Variants in KLHL6 observed in about 807,000 individuals in gnomAD.
The protein encoded by KLHL6 is kelch-like protein 6.
A neutral mutation model predicts 58.6 loss-of-function variants in KLHL6; 41 were observed. The observed-to-expected ratio is 0.70, with a 90% confidence interval of 0.55 to 0.91. KLHL6 has a LOEUF of 0.91. KLHL6 is among the 40% of genes least tolerant of loss of function. KLHL6 has a pLI of 0.00. For synonymous variants in KLHL6, 338 were observed against 322.7 expected, an observed-to-expected ratio of 1.05 and a Z score of -0.51; for missense variants, 714 against 805.6, an observed-to-expected ratio of 0.89 and a Z score of 1.38.
At chr3:183,536,106 T>C (rs1220141640) in intron 1 of KLHL6, among the ~76,000 whole-genome samples, 1 of 152,134 alleles carries the variant, frequency 6.6e-6, no homozygotes, top group Admixed American at 6.5e-5. Context: ...AGTCACTTAA[T>C]AACATGCTGC....
chr3:183,538,769 G>A (rs979789047), intron 1 of KLHL6, among the ~76,000 whole-genome samples: 4 of 152,134 alleles, frequency 2.6e-5, no homozygotes, highest in Non-Finnish European at 5.9e-5. Flanking sequence ...ACCAAAACCT[G>A]AGCCAATACT....
chr3:183,550,013 G>T (rs1228525389), intron 1 of KLHL6, among the ~76,000 whole-genome samples: 5 of 152,022 alleles, frequency 3.3e-5, no homozygotes, highest in African/African-American at 9.7e-5. Flanking sequence ...CAGAAGAGTG[G>T]TTTTTTAAAA....
chr3:183,512,234 A>T (rs1360062004), intron 2 of KLHL6, among the ~76,000 whole-genome samples: 3 of 152,196 alleles, frequency 2.0e-5, no homozygotes, highest in Non-Finnish European at 4.4e-5. Context: ...CACGATCACC[A>T]TGCCAGCGTT....
At chr3:183,555,239 A>AG in intron 1 of KLHL6, 122 bp downstream of exon 1, 1 of 672,152 alleles carries the variant, frequency 1.5e-6, no homozygotes, top group Non-Finnish European at 2.5e-6. Context: ...TAGACACACA[A>AG]GCCTTAATAT....
chr3:183,534,803 A>C (rs1268811627), intron 1 of KLHL6, among the ~76,000 whole-genome samples: 1 of 152,088 alleles, frequency 6.6e-6, no homozygotes, highest in Non-Finnish European at 1.5e-5. Context: ...ACACGTAAGA[A>C]ATATTTTAAA....
At chr3:183,524,290 A>G (rs1182088541) in intron 2 of KLHL6, among the ~76,000 whole-genome samples, 3 of 152,142 alleles carry the variant, frequency 2.0e-5, no homozygotes, top group Admixed American at 1.3e-4. Context: ...TAGAGCCCCT[A>G]CTGGGTGGCA....
At chr3:183,535,610 G>T (rs1712338421) in intron 1 of KLHL6, among the ~76,000 whole-genome samples, 1 of 152,152 alleles carries the variant, frequency 6.6e-6, no homozygotes, top group South Asian at 2.1e-4. Context: ...AGGTTAATTT[G>T]GTTGAATCTG....
At chr3:183,515,571 AAAG>A (rs1004355118) in intron 2 of KLHL6, among the ~76,000 whole-genome samples, 6 of 152,082 alleles carry the variant, frequency 3.9e-5, no homozygotes, top group African/African-American at 9.7e-5. Flanking sequence ...ATAAAAAGGA[AAAG>A]AAGAATTGTA....
At chr3:183,550,812 C>T (rs567843865) in intron 1 of KLHL6, among the ~76,000 whole-genome samples, 2 of 150,660 alleles carry the variant, frequency 1.3e-5, no homozygotes, top group Admixed American at 6.6e-5. Flanking sequence ...AAAATATATG[C>T]GAGGCCTTAA....
At chr3:183,498,623 G>A (rs897796507) in intron 4 of KLHL6, among the ~76,000 whole-genome samples, 1 of 152,192 alleles carries the variant, frequency 6.6e-6, no homozygotes, top group Non-Finnish European at 1.5e-5. Flanking sequence ...TGAGAGGCAA[G>A]CAATTAAATG....
chr3:183,507,920 C>T (rs989688344), intron 3 of KLHL6, 139 bp downstream of exon 3: 37 of 709,940 alleles, frequency 5.2e-5, no homozygotes, highest in Admixed American at 3.8e-4. Context: ...TGGAACTGAC[C>T]GACTCAGCAA....
chr3:183,509,213 T>A (rs545882982), intron 2 of KLHL6, among the ~76,000 whole-genome samples: 1 of 152,332 alleles, frequency 6.6e-6, no homozygotes, highest in East Asian at 1.9e-4. Context: ...CAATATATAT[T>A]TTTTAAAGTT....
intron 4 of KLHL6, among the ~76,000 whole-genome samples, chr3:183,495,677 GTGC>G (rs764203966): frequency 3.5e-4 from 53 of 151,928 alleles, no homozygotes; most frequent in Non-Finnish European, 6.2e-4. Flanking sequence ...TATATACTCA[GTGC>G]CTTCAAGACT....
At position 183,492,146 on chromosome 3, in the gene KLHL6, G is replaced by C. The variant is rs764948740; in HGVS notation, c.1647C>G (p.Ala549=). 1.2e-5 allele frequency: 20 copies of C among 1,613,522 alleles called. No individual in the cohort carries two copies. In the South Asian group the frequency reaches 2.2e-4, roughly 18 times the overall value. Residue 549 remains alanine (A), a synonymous_variant, in exon 7 of 7, where the codon GCC becomes GCG. Coordinates refer to ENST00000341319, the MANE Select transcript of KLHL6 (RefSeq NM_130446.4). The surrounding 1 kb of genome is among the most constrained non-coding windows in gnomAD (Gnocchi z 5.9). The part of the protein sequence containing the change: ...CLVTQLSHER[A]SCGIAPCNNR... ...TGTTGCAGGGCGCGATACCGCAGCT[G>C]GCCCGCTCGTGGCTGAGCTGGGTCA...
rs763935771 is a variant in KLHL6, at chr3:183,492,133, C to T, written c.1660G>A (p.Ala554Thr). 1.2e-6 allele frequency: 2 copies of T among 1,613,608 alleles called. No individual in the cohort carries two copies. The highest frequency in any genetic ancestry group is 2.7e-5 in the African/African-American group (2 of 74,928). The change falls in exon 7 of 7, where the codon GCG becomes ACG. Residue 554 changes from alanine (A) to threonine (T), a missense_variant. This residue lies in a region of KLHL6 where 510 missense variants were observed against 629.7 expected (regional missense o/e 0.81). Transcript: ENST00000341319. This position sits in a 1 kb window ranked among gnomAD's most constrained non-coding sequence, Gnocchi z 5.9. ...ATGTAGAGCCGGTTGTTGCAGGGCGCGATACCGCAGCTGGCCCGCTCGTGG... is the reference window on the plus strand; with the variant it reads ...ATGTAGAGCCGGTTGTTGCAGGGCGTGATACCGCAGCTGGCCCGCTCGTGG... ...LSHERASCGI[A>T]PCNNRLYITG...
Position 183,494,175 on chromosome 3 carries a change from C to T in KLHL6, c.1254G>A (p.Val418=). The T allele has an allele frequency of 6.2e-7, 1 of 1,614,210 alleles. No individual in the cohort carries two copies. Among genetic ancestry groups the T allele is most frequent in the Non-Finnish European group, 8.5e-7 (1 of 1,180,026 alleles). Reference sequence around the variant, plus strand: ...CGATCACATAGACCTTGCCACCCAACACCACCATCTTATGCCTCCAGCGGC... The same window carrying T: ...CGATCACATAGACCTTGCCACCCAATACCACCATCTTATGCCTCCAGCGGC... ...NIGRWRHKMV[V]LGGKVYVIGG... Residue 418 remains valine, a synonymous_variant, in exon 5 of 7, where the codon GTG becomes GTA. Transcript: ENST00000341319.
chr3:183,497,186 C>G (rs1178724695), intron 4 of KLHL6, among the ~76,000 whole-genome samples: 3 of 152,042 alleles, frequency 2.0e-5, no homozygotes, highest in African/African-American at 7.2e-5. Flanking sequence ...CCAAAGCAGG[C>G]GGATAACCTG....
intron 2 of KLHL6, among the ~76,000 whole-genome samples, chr3:183,518,932 C>T (rs1477609966): frequency 6.6e-6 from 1 of 152,130 alleles, no homozygotes; most frequent in Non-Finnish European, 1.5e-5. Flanking sequence ...GGTGGGTTCC[C>T]GAGATGATGC....
Position 183,492,533 on chromosome 3 carries a change from T to G in KLHL6, c.1525A>C (p.Ile509Leu). 6.2e-7 allele frequency: 1 copy of G among 1,614,230 alleles called. No individual in the cohort carries two copies. The highest frequency in any genetic ancestry group is 8.5e-7 in the Non-Finnish European group (1 of 1,180,042). ...KAAMPVEAKC[I>L]NAVSFRDRIY... Reference sequence around the variant, plus strand: ...CGGTCCCGGAAACTCACTGCATTGATGCATTTAGCCTCCACGGGCATGGCC... The same window carrying G: ...CGGTCCCGGAAACTCACTGCATTGAGGCATTTAGCCTCCACGGGCATGGCC... Residue 509 changes from isoleucine to leucine, a missense_variant, in exon 6 of 7, where the codon ATC (isoleucine) becomes CTC (leucine). By Grantham distance (5) the Ile-to-Leu change is conservative. Coordinates refer to ENST00000341319, the MANE Select transcript of KLHL6 (RefSeq NM_130446.4). The surrounding 1 kb of genome is among the most constrained non-coding windows in gnomAD (Gnocchi z 5.9).
Sources: allele counts gnomAD v4.1 joint callset (sites outside exome capture counted in the v4.1 genomes callset), GRCh38; gene constraint gnomAD v4.1.1; regional missense constraint gnomAD v4.1.1; non-coding constraint Gnocchi (gnomAD v3.1); transcripts MANE v1.5; gene names NCBI Gene and HGNC (gene_info 2026-07-23, HGNC 2026-07-21).